Variants in MERTK observed in about 807,000 individuals in gnomAD.
MERTK encodes the protein MER proto-oncogene, tyrosine kinase, also known as tyrosine-protein kinase Mer.
Under a neutral mutation model 99.3 loss-of-function variants are expected in MERTK, and 69 were observed. The observed-to-expected ratio is 0.70, with a 90% CI of 0.57 to 0.85. The LOEUF is 0.85. Ranked by LOEUF, MERTK falls within the 40% of genes least tolerant of loss-of-function variation. MERTK has a pLI of 0.00. For missense variants in MERTK, 1,125 were observed against 1,249.4 expected, an observed-to-expected ratio of 0.90 and a Z score of 1.50; for synonymous variants, 426 against 467.6, an observed-to-expected ratio of 0.91 and a Z score of 1.15.
chr2:112,026,805 G>A (rs1419017131), intron 18 of MERTK, among the ~76,000 whole-genome samples: 1 of 152,216 alleles, frequency 6.6e-6, no homozygotes, highest in African/African-American at 2.4e-5. Context: ...TGCATGTTGT[G>A]TGTGAAGTAA....
chr2:111,967,190 G>A (rs1164585973), intron 5 of MERTK, among the ~76,000 whole-genome samples: 3 of 152,158 alleles, frequency 2.0e-5, no homozygotes. Context: ...CCAGGGTCAG[G>A]CAGACCAGAG....
intron 1 of MERTK, among the ~76,000 whole-genome samples, chr2:111,927,541 A>G (rs1684589279): frequency 6.6e-6 from 1 of 152,184 alleles, no homozygotes; most frequent in Non-Finnish European, 1.5e-5. Context: ...ACATGGTAGC[A>G]CGAGCCTATA....
At chr2:111,923,905 C>T (rs1007267041) in intron 1 of MERTK, among the ~76,000 whole-genome samples, 13 of 152,154 alleles carry the variant, frequency 8.5e-5, no homozygotes, top group African/African-American at 2.4e-4. Context: ...CATCATTGCC[C>T]AAACCCTTGG....
intron 16 of MERTK, chr2:112,020,682 A>C (rs201033139): frequency 6.4e-6 from 3 of 470,922 alleles, no homozygotes; most frequent in African/African-American, 2.0e-5. Flanking sequence ...CCAAACTCTC[A>C]GGGGGCTTAC....
At position 111,997,415 on chromosome 2, in the gene MERTK, A is replaced by G; in HGVS notation, c.1543A>G (p.Ile515Val). The G allele has an allele frequency of 6.2e-7, 1 of 1,613,962 alleles. No individual in the cohort carries two copies. The highest frequency in any genetic ancestry group is 8.5e-7 in the Non-Finnish European group (1 of 1,179,978). The change falls in exon 10 of 19, where the codon ATT (isoleucine) becomes GTT (valine). Residue 515 changes from isoleucine (I) to valine (V), a missense_variant. By Grantham distance (29) the Ile-to-Val change is conservative (BLOSUM62 3). Coordinates refer to ENST00000295408, the MANE Select transcript of MERTK (RefSeq NM_006343.3). ...TGGCTGCTTTTGTGGATTTATTTTG[A>G]TTGGGTTGATTTTATACATCTCCTT... Reference protein sequence around the residue: ...IFGCFCGFILIGLILYISLAI... With the variant: ...IFGCFCGFILVGLILYISLAI...
chr2:111,929,233 T>C lies in MERTK; in HGVS notation c.175T>C (p.Tyr59His), dbSNP rs748161559. The change falls in exon 2 of 19, where the codon TAC becomes CAC. Residue 59 changes from tyrosine to histidine, a missense_variant. Transcript: ENST00000295408. ...PLLSLPHASG[Y>H]QPALMFSPTQ... Reference sequence around the variant, plus strand: ...GTTATCCCTTCCTCACGCCAGTGGGTACCAGCCTGCCTTGATGTTTTCACC... The same window carrying C: ...GTTATCCCTTCCTCACGCCAGTGGGCACCAGCCTGCCTTGATGTTTTCACC... 2 of 1,614,150 alleles carry C rather than the reference T, an allele frequency of 1.2e-6. No individual in the cohort carries two copies. Among genetic ancestry groups the C allele is most frequent in the Non-Finnish European group, 1.7e-6 (2 of 1,180,032 alleles).
chr2:111,943,952 G>A (rs1387501039), intron 2 of MERTK, among the ~76,000 whole-genome samples: 1 of 152,084 alleles, frequency 6.6e-6, no homozygotes, highest in Non-Finnish European at 1.5e-5. Context: ...AAAATGCCTT[G>A]AGGGGGCAGT....
intron 4 of MERTK, among the ~76,000 whole-genome samples, chr2:111,963,843 G>C (rs1041141790): frequency 6.6e-6 from 1 of 151,916 alleles, no homozygotes; most frequent in Non-Finnish European, 1.5e-5. Flanking sequence ...CAGGTGTTTT[G>C]TAGAATGTCC....
At chr2:112,006,147 G>T (rs1433340282) in intron 13 of MERTK, among the ~76,000 whole-genome samples, 1 of 152,168 alleles carries the variant, frequency 6.6e-6, no homozygotes, top group Non-Finnish European at 1.5e-5. Flanking sequence ...CTCCCAAAGT[G>T]CTGGGATTAC....
chr2:111,905,064 A>G (rs753452029), intron 1 of MERTK, among the ~76,000 whole-genome samples: 38 of 152,260 alleles, frequency 2.5e-4, no homozygotes, highest in Non-Finnish European at 4.7e-4. Context: ...CATTAGGATC[A>G]GCAGGCCCCT....
At chr2:111,902,544 CTTTCTAGGG>C (rs1193281191) in intron 1 of MERTK, among the ~76,000 whole-genome samples, 1 of 152,174 alleles carries the variant, frequency 6.6e-6, no homozygotes, top group Non-Finnish European at 1.5e-5. Flanking sequence ...CCTGTGTCTT[CTTTCTAGGG>C]CCTGAGCAGC....
intron 1 of MERTK, among the ~76,000 whole-genome samples, chr2:111,922,431 A>G (rs1684477241): frequency 1.3e-5 from 2 of 152,190 alleles, no homozygotes; most frequent in South Asian, 4.1e-4. Context: ...AGCCCGATGT[A>G]TATTTTTTCC....
At chr2:111,916,358 T>G (rs922897681) in intron 1 of MERTK, among the ~76,000 whole-genome samples, 2 of 152,206 alleles carry the variant, frequency 1.3e-5, no homozygotes, top group Non-Finnish European at 2.9e-5. Context: ...GATACGGATT[T>G]TAGATCTTTA....
At chr2:112,009,422 A>G (rs1677049008) in intron 14 of MERTK, among the ~76,000 whole-genome samples, 1 of 152,190 alleles carries the variant, frequency 6.6e-6, no homozygotes, top group African/African-American at 2.4e-5. Flanking sequence ...GTTAAAATTT[A>G]GGGATGTGAA....
chr2:111,911,125 G>T, intron 1 of MERTK, among the ~76,000 whole-genome samples: 1 of 152,122 alleles, frequency 6.6e-6, no homozygotes, highest in East Asian at 1.9e-4. Flanking sequence ...TGGGCAAGTT[G>T]CCACCCTGAA....
At chr2:111,996,562 A>G (rs186007798) in intron 9 of MERTK, 12 of 155,068 alleles carry the variant, frequency 7.7e-5, no homozygotes, top group African/African-American at 2.9e-4. Context: ...ATAGTGTTCA[A>G]CGTAAAATTT....
At chr2:112,002,447 A>G (rs1467413098) in intron 11 of MERTK, among the ~76,000 whole-genome samples, 1 of 152,182 alleles carries the variant, frequency 6.6e-6, no homozygotes, top group Non-Finnish European at 1.5e-5. Context: ...AGAATTCACC[A>G]GAAATTACCT....
intron 7 of MERTK, among the ~76,000 whole-genome samples, chr2:111,982,100 C>G (rs1467622118): frequency 2.0e-5 from 3 of 151,732 alleles, no homozygotes; most frequent in Non-Finnish European, 2.9e-5. Context: ...TGCCCTGTCA[C>G]CCAGGCTAGA....
At chr2:111,970,349 G>A (rs2104728026) in intron 6 of MERTK, among the ~76,000 whole-genome samples, 1 of 151,518 alleles carries the variant, frequency 6.6e-6, no homozygotes, top group East Asian at 2.0e-4. Flanking sequence ...TAGACATGGG[G>A]TTTCACCATG....
Sources: gnomAD v4.1 joint callset for allele counts (sites outside exome capture counted in the v4.1 genomes callset) on GRCh38, gnomAD v4.1.1 for gene constraint, MANE v1.5 for transcripts, NCBI Gene and HGNC (gene_info 2026-07-23, HGNC 2026-07-21) for gene names.